Variants in ZNF45 observed in about 807,000 individuals in gnomAD.
ZNF45 encodes the protein BRC1744.
ZNF45 carries 4 observed loss-of-function variants against 12.0 expected under a neutral mutation model. That is an observed-to-expected ratio of 0.33 (90% CI 0.16 to 0.76). ZNF45 has a LOEUF of 0.76. Among genes scored for constraint, ZNF45 ranks in the 30% least tolerant of loss-of-function variants. ZNF45 has a pLI of 0.60. For synonymous variants in ZNF45, 272 were observed against 279.6 expected (o/e 0.97, Z 0.27); for missense variants, 700 against 813.0 (o/e 0.86, Z 1.69).
In ZNF45 at chr19:43,912,772, A is replaced by G. The variant is rs1300621102; in HGVS notation, c.*615T>C. ...GTTACTGCATGCAGATTACACCTCA[A>G]TAAAGTACTGTTAACATACAAAACT... On this transcript the variant is annotated 3_prime_UTR_variant, in exon 10 of 10. Transcript: ENST00000269973. 2 of 152,294 alleles carry G rather than the reference A, an allele frequency of 1.3e-5. No homozygotes were observed. The highest frequency in any genetic ancestry group is 2.1e-4 in the South Asian group (1 of 4,832). 9.4% of individuals were successfully genotyped at this position (152,294 alleles called of 1,614,324 possible).
chr19:43,928,355 G>C (rs909785685), intron 3 of ZNF45, among the ~76,000 whole-genome samples: 3 of 152,092 alleles, frequency 2.0e-5, no homozygotes, highest in South Asian at 2.1e-4. Flanking sequence ...ACAGACACTG[G>C]GGTCTCCATC....
intron 1 of ZNF45, 65 bp downstream of exon 1, chr19:43,934,859 A>G (rs1235599227): frequency 6.6e-6 from 1 of 152,264 alleles, no homozygotes; most frequent in Non-Finnish European, 1.5e-5. Context: ...TATAAGGTTA[A>G]TATTTCCTTT....
chr19:43,928,169 G>A lies in ZNF45; in HGVS notation c.-399-2711C>T, dbSNP rs963997449. ...GCACTCCAGTCTGGGCAACAAGAGC[G>A]AAACTCTGTCTCAAAAAAAAAAAAA... On this transcript the variant is annotated intron_variant, in intron 3 of 9. Transcript: ENST00000269973. Among the ~76,000 whole-genome samples, 31 of 103,588 alleles carry A rather than the reference G, an allele frequency of 3.0e-4. No homozygotes were observed. In the Admixed American group the frequency reaches 3.3e-3, roughly 11 times the overall value. 68.0% of individuals were successfully genotyped at this position (103,588 alleles called of 152,430 possible). A position where few individuals can be genotyped will look rare whatever the true frequency, so the allele number is the denominator to read the frequency against.
chr19:43,926,248 T>G (rs1028949158), intron 3 of ZNF45: 2 of 152,208 alleles, frequency 1.3e-5, no homozygotes, highest in African/African-American at 4.8e-5. Context: ...TGGGAAGATT[T>G]GGAGAGCAAG....
At chr19:43,923,283 C>G (rs2147007889) in intron 6 of ZNF45, among the ~76,000 whole-genome samples, 1 of 152,246 alleles carries the variant, frequency 6.6e-6, no homozygotes, top group South Asian at 2.1e-4. Context: ...GTTTTGCTTT[C>G]TGTGGTTTCA....
intron 6 of ZNF45, among the ~76,000 whole-genome samples, chr19:43,923,977 TA>T (rs202194694): frequency 0.079 from 7,897 of 100,212 alleles, 501 homozygotes; most frequent in East Asian, 0.29. Context: ...AAAAAAAATC[TA>T]AAAAAAAAAA....
chr19:43,920,877 C>T (rs551828777), intron 7 of ZNF45, among the ~76,000 whole-genome samples: 1 of 152,218 alleles, frequency 6.6e-6, no homozygotes, highest in African/African-American at 2.4e-5. Context: ...GCTGGGATTA[C>T]AGGTGTGAGC....
intron 9 of ZNF45, among the ~76,000 whole-genome samples, chr19:43,918,173 T>G (rs1011284862): frequency 4.6e-5 from 7 of 152,212 alleles, no homozygotes; most frequent in Non-Finnish European, 8.8e-5. Context: ...TGTTTTTTCC[T>G]TGTGTAAAGT....
At chr19:43,927,060 CTCTT>C (rs1973740609) in intron 3 of ZNF45, among the ~76,000 whole-genome samples, 1 of 152,142 alleles carries the variant, frequency 6.6e-6, no homozygotes. Flanking sequence ...CACTAAGAAA[CTCTT>C]TCTTCTTTAT....
intron 3 of ZNF45, among the ~76,000 whole-genome samples, chr19:43,930,426 T>C (rs1387596363): frequency 6.6e-6 from 1 of 152,154 alleles, no homozygotes; most frequent in Non-Finnish European, 1.5e-5. Flanking sequence ...AACACAGAAG[T>C]TCAAGCTCAT....
In ZNF45 at chr19:43,914,157, G is replaced by T; in HGVS notation, c.1279C>A (p.Arg427Ser). 6.2e-7 allele frequency: 1 copy of T among 1,607,600 alleles called. No homozygotes were observed. Among genetic ancestry groups the T allele is most frequent in the Admixed American group, 1.7e-5 (1 of 59,646 alleles). ...AAATGAATGTTAAAATCTGAGCTAC[G>T]ACTGAAGCCCTTACCACATGCATCA... Reference protein sequence around the residue: ...QCDACGKGFSRSSDFNIHFRV... With the variant: ...QCDACGKGFSSSSDFNIHFRV... Residue 427 changes from arginine to serine, a missense_variant, in exon 10 of 10, where the codon CGT becomes AGT. Arg to Ser is a moderately radical substitution (Grantham distance 110). Coordinates refer to ENST00000269973, the MANE Select transcript of ZNF45 (RefSeq NM_003425.4).
rs756569723 is a variant in ZNF45 at position 43,913,952 on chromosome 19, G to T, written c.1484C>A (p.Thr495Lys). 8 of 1,603,018 alleles carry T rather than the reference G, an allele frequency of 5.0e-6. 2 individuals carry two copies. In the South Asian group the frequency reaches 8.8e-5, roughly 18 times the overall value. ...CTCGCATTTATAGGGTTTCTCTCCT[G>T]TGTGGATTCTACAGTGTACATTAAG... is the stretch of plus-strand genomic sequence containing the variant. ...SDLNVHCRIHTGEKPYKCERC... is the reference protein window; with the variant it reads ...SDLNVHCRIHKGEKPYKCERC... Residue 495 changes from threonine to lysine, a missense_variant, in exon 10 of 10, where the codon ACA (threonine) becomes AAA (lysine). Thr to Lys is a moderately conservative substitution (Grantham distance 78, BLOSUM62 -1). Transcript: ENST00000269973.
chr19:43,933,634 G>C (rs1172298425), intron 2 of ZNF45, among the ~76,000 whole-genome samples: 1 of 152,128 alleles, frequency 6.6e-6, no homozygotes, highest in Admixed American at 6.5e-5. Context: ...ATTTGGGTAT[G>C]TTTGGATATT....
In ZNF45 at chr19:43,913,308, C is replaced by T. The variant is rs1972351838; in HGVS notation, c.*79G>A. 1.3e-6 allele frequency: 2 copies of T among 1,492,870 alleles called. No homozygotes were observed. Among genetic ancestry groups the T allele is most frequent in the Non-Finnish European group, 1.8e-6 (2 of 1,119,756 alleles). The allele number at this position is 1,492,870 out of a possible 1,614,324, so 92.5% of individuals were successfully genotyped here. A position where few individuals can be genotyped will look rare whatever the true frequency, so the allele number is the denominator to read the frequency against. ...CAATCACTTGGCTGAACTACTGACT[C>T]TATAAAACAAATGTTTTGTCTATGA... On this transcript the variant is annotated 3_prime_UTR_variant, in exon 10 of 10. Transcript: ENST00000269973.
chr19:43,921,131 C>G (rs1973140065), intron 7 of ZNF45, among the ~76,000 whole-genome samples: 1 of 152,180 alleles, frequency 6.6e-6, no homozygotes, highest in Non-Finnish European at 1.5e-5. Context: ...TTCTTTGCCT[C>G]TCTCTCTTCA....
In ZNF45 at chr19:43,914,021, T is replaced by C. The variant is rs1284926491; in HGVS notation, c.1415A>G (p.Tyr472Cys). The C allele has an allele frequency of 6.2e-7, 1 of 1,614,058 alleles. No homozygotes were observed. Residue 472 changes from tyrosine to cysteine, a missense_variant, in exon 10 of 10, where the codon TAC (tyrosine) becomes TGC (cysteine). By Grantham distance (194) the Tyr-to-Cys change is radical (BLOSUM62 -2). Transcript: ENST00000269973. Reference protein sequence around the residue: ...HQRGHTGEKPYKCGTCGKGFS... With the variant: ...HQRGHTGEKPCKCGTCGKGFS... ...GCCCTTCCCACATGTACCACATTTG[T>C]AGGGTTTCTCTCCAGTGTGGCCTCT...
intron 3 of ZNF45, among the ~76,000 whole-genome samples, chr19:43,928,467 T>A (rs1973872349): frequency 6.6e-6 from 1 of 152,156 alleles, no homozygotes; most frequent in Non-Finnish European, 1.5e-5. Flanking sequence ...CAAACCCCCA[T>A]GACACAAGTT....
intron 3 of ZNF45, among the ~76,000 whole-genome samples, chr19:43,927,495 C>T (rs1031852487): frequency 3.1e-4 from 47 of 152,274 alleles, no homozygotes; most frequent in African/African-American, 1.1e-3. Context: ...GAACAAAGAC[C>T]TTGATCTCAC....
intron 9 of ZNF45, 109 bp from the exon 10 acceptor site, chr19:43,915,309 G>T (rs962767726): frequency 1.1e-5 from 13 of 1,189,106 alleles, no homozygotes; most frequent in East Asian, 7.9e-5. Flanking sequence ...TGAACCAGGA[G>T]AAGGTTCCAT....
Sources: gnomAD v4.1 joint callset for allele counts (sites outside exome capture counted in the v4.1 genomes callset) on GRCh38, gnomAD v4.1.1 for gene constraint, MANE v1.5 for transcripts, NCBI Gene and HGNC (gene_info 2026-07-23, HGNC 2026-07-21) for gene names.